CACNA2D3: variants seen among roughly 807,000 people sequenced by gnomAD.
CACNA2D3 encodes the protein voltage-dependent calcium channel subunit alpha-2/delta-3.
Under a neutral mutation model 160.6 loss-of-function variants are expected in CACNA2D3, and 60 were observed. The observed-to-expected ratio is 0.37, with a 90% confidence interval of 0.30 to 0.46. The LOEUF (loss-of-function observed/expected upper bound fraction) is 0.46, where lower values mean the gene tolerates loss of function less well. CACNA2D3 is among the 20% of genes least tolerant of loss of function. The pLI, the probability that CACNA2D3 is intolerant of heterozygous loss-of-function variation, is 1.00. For synonymous variants in CACNA2D3, 558 were observed against 492.9 expected (o/e 1.13, Z -1.75); for missense variants, 1,205 against 1,365.0 (o/e 0.88, Z 1.85).
chr3:54,378,964 A>G (rs1409378073), intron 3 of CACNA2D3, among the ~76,000 whole-genome samples: 1 of 152,246 alleles, frequency 6.6e-6, no homozygotes, highest in Non-Finnish European at 1.5e-5. Flanking sequence ...GATAACAGGT[A>G]TCTCTTGTGG....
Position 54,268,509 on chromosome 3 carries a change from A to C in CACNA2D3, c.205-51933A>C, listed in dbSNP as rs9836702. On this transcript the variant is annotated intron_variant, in intron 2 of 37. Coordinates refer to ENST00000474759, the MANE Select transcript of CACNA2D3 (RefSeq NM_018398.3). The stretch of plus-strand genomic sequence containing the variant: ...ACTGCAACCTCTGCCTCCTGGGTTC[A>C]AGCGATTCTCCTGCCTCAGCCTCCT... Among the ~76,000 whole-genome samples the C allele has an allele frequency of 7.7e-3, 1,180 of 152,278 alleles. 6 individuals are homozygous for C. Among genetic ancestry groups the C allele is most frequent in the African/African-American group, 0.017 (726 of 41,552 alleles).
chr3:54,168,619 C>T (rs1407090189), intron 2 of CACNA2D3, among the ~76,000 whole-genome samples: 2 of 152,162 alleles, frequency 1.3e-5, no homozygotes, highest in African/African-American at 4.8e-5. Context: ...GCCGACTTCT[C>T]AGCATTCCTG....
At chr3:54,848,723 A>G (rs1407413135) in intron 17 of CACNA2D3, among the ~76,000 whole-genome samples, 1 of 152,220 alleles carries the variant, frequency 6.6e-6, no homozygotes, top group Non-Finnish European at 1.5e-5. Flanking sequence ...CAATTCCAGC[A>G]TCACACTGTG....
chr3:54,672,238 T>C (rs1295890888), intron 11 of CACNA2D3, among the ~76,000 whole-genome samples: 2 of 152,180 alleles, frequency 1.3e-5, no homozygotes, highest in Non-Finnish European at 2.9e-5. Context: ...GCGGTGCTTT[T>C]ATTGGTTGGA....
At chr3:54,769,817 G>A (rs889610332) in intron 13 of CACNA2D3, among the ~76,000 whole-genome samples, 1 of 152,126 alleles carries the variant, frequency 6.6e-6, no homozygotes, top group Non-Finnish European at 1.5e-5. Context: ...AGTATGATGA[G>A]TATCTTGGAA....
intron 14 of CACNA2D3, among the ~76,000 whole-genome samples, chr3:54,830,596 G>T (rs1157487702): frequency 6.6e-6 from 1 of 151,724 alleles, no homozygotes; most frequent in African/African-American, 2.4e-5. Flanking sequence ...TGGGATTACA[G>T]GAGTGCCCCC....
intron 13 of CACNA2D3, among the ~76,000 whole-genome samples, chr3:54,816,217 A>G (rs917990092): frequency 1.7e-4 from 26 of 152,324 alleles, no homozygotes; most frequent in African/African-American, 5.8e-4. Flanking sequence ...AATAAAGGGA[A>G]CAGTTAATGT....
At chr3:54,463,874 G>A (rs1458798245) in intron 4 of CACNA2D3, among the ~76,000 whole-genome samples, 1 of 152,136 alleles carries the variant, frequency 6.6e-6, no homozygotes, top group East Asian at 1.9e-4. Flanking sequence ...CAGTTTTTCT[G>A]CTCTGTTTTT....
chr3:54,379,859 A>G (rs1699070581), intron 3 of CACNA2D3, among the ~76,000 whole-genome samples: 1 of 152,142 alleles, frequency 6.6e-6, no homozygotes. Context: ...TCTCATTGAA[A>G]TAGCTATTTT....
chr3:54,846,056 G>C (rs185396243), intron 16 of CACNA2D3, among the ~76,000 whole-genome samples: 38 of 152,150 alleles, frequency 2.5e-4, no homozygotes, highest in Non-Finnish European at 4.3e-4. Flanking sequence ...CTGTGCACTT[G>C]GACATAGGGT....
chr3:54,866,481 T>C lies in CACNA2D3; in HGVS notation c.1627-5058T>C, dbSNP rs182874852. On this transcript the variant is annotated intron_variant, in intron 17 of 37. Transcript: ENST00000474759. ...CCCTCGGTCACACCCCATGTCCAGATGGCATTAGCTTTGGGCAAAGTTTCT... is the reference window on the plus strand; with the variant it reads ...CCCTCGGTCACACCCCATGTCCAGACGGCATTAGCTTTGGGCAAAGTTTCT... 2.2e-3 allele frequency among the ~76,000 whole-genome samples: 330 copies of C among 152,284 alleles called. 2 individuals are homozygous for C. The highest frequency in any genetic ancestry group is 3.8e-3 in the Non-Finnish European group (258 of 68,006).
intron 11 of CACNA2D3, among the ~76,000 whole-genome samples, chr3:54,728,796 A>C (rs1007416174): frequency 6.6e-6 from 1 of 152,174 alleles, no homozygotes; most frequent in African/African-American, 2.4e-5. Flanking sequence ...GAAAGCTTGT[A>C]GTTTCTACAT....
chr3:54,593,355 G>C (rs1702896435), intron 9 of CACNA2D3, among the ~76,000 whole-genome samples: 1 of 152,030 alleles, frequency 6.6e-6, no homozygotes, highest in Non-Finnish European at 1.5e-5. Context: ...ATGGTTCATG[G>C]CTTCTATTTT....
intron 11 of CACNA2D3, among the ~76,000 whole-genome samples, chr3:54,700,748 G>A (rs954470034): frequency 1.3e-5 from 2 of 152,150 alleles, no homozygotes; most frequent in African/African-American, 2.4e-5. Context: ...TATGCATTGG[G>A]CTCTATGCAA....
At chr3:54,614,232 G>GAACA (rs1179404939) in intron 9 of CACNA2D3, among the ~76,000 whole-genome samples, 16 of 152,336 alleles carry the variant, frequency 1.1e-4, no homozygotes, top group Non-Finnish European at 2.4e-4. Context: ...TAGACCAGAG[G>GAACA]ACGTTGTACC....
chr3:54,929,925 A>T (rs1009652134), intron 27 of CACNA2D3, among the ~76,000 whole-genome samples: 1 of 152,228 alleles, frequency 6.6e-6, no homozygotes, highest in African/African-American at 2.4e-5. Flanking sequence ...AAGAACTAGA[A>T]AGTTACTAAT....
chr3:54,172,090 G>C (rs1700584003), intron 2 of CACNA2D3, among the ~76,000 whole-genome samples: 1 of 152,230 alleles, frequency 6.6e-6, no homozygotes, highest in Non-Finnish European at 1.5e-5. Context: ...TTGCACAGAA[G>C]AGCGGTCCTT....
At chr3:54,618,323 G>A (rs1201017071) in intron 9 of CACNA2D3, among the ~76,000 whole-genome samples, 2 of 139,290 alleles carry the variant, frequency 1.4e-5, no homozygotes, top group Non-Finnish European at 3.0e-5. Flanking sequence ...TAGGGGACTG[G>A]TCAAAGTTCA....
rs150777507 is a variant in CACNA2D3 at position 54,591,874 on chromosome 3, T to C, written c.963+9997T>C. ...TCTTCTGTCCTGAGTTAAAGGAGTCTGACTAGAATGTGCCAGATCCTTTGG... is the reference window on the plus strand; with the variant it reads ...TCTTCTGTCCTGAGTTAAAGGAGTCCGACTAGAATGTGCCAGATCCTTTGG... On this transcript the variant is annotated intron_variant, in intron 9 of 37. Transcript: ENST00000474759. 3.2e-4 allele frequency among the ~76,000 whole-genome samples: 49 copies of C among 152,292 alleles called. 1 individual carries two copies. In the East Asian group the frequency reaches 6.8e-3, roughly 21 times the overall value.
Sources: allele counts gnomAD v4.1 joint callset (sites outside exome capture counted in the v4.1 genomes callset), GRCh38; gene constraint gnomAD v4.1.1; transcripts MANE v1.5; gene names NCBI Gene and HGNC (gene_info 2026-07-23, HGNC 2026-07-21).